RANBP2: variants seen among roughly 807,000 people sequenced by gnomAD.
RANBP2 encodes the protein E3 SUMO-protein ligase RanBP2.
A neutral mutation model predicts 303.6 loss-of-function variants in RANBP2; 57 were observed. The ratio of observed to expected loss-of-function variants is 0.19; its 90% confidence interval spans 0.15 to 0.23. RANBP2 has a LOEUF of 0.23. Ranked by LOEUF, RANBP2 falls within the 10% of genes least tolerant of loss-of-function variation. The probability of loss-of-function intolerance (pLI) is 1.00; values close to 1 mark genes in which losing one functional copy is unlikely to be tolerated. For synonymous variants in RANBP2, 1,167 were observed against 1,301.5 expected, an observed-to-expected ratio of 0.90 and a Z score of 2.23; for missense variants, 3,138 against 3,780.8, an observed-to-expected ratio of 0.83 and a Z score of 4.46.
intron 7 of RANBP2, among the ~76,000 whole-genome samples, chr2:108,744,141 C>T (rs1490780205): frequency 2.6e-5 from 4 of 152,306 alleles, no homozygotes; most frequent in South Asian, 2.1e-4. Flanking sequence ...CGGTGGCTCA[C>T]GCCTATGATC....
the RANBP2 span, among the ~76,000 whole-genome samples, chr2:109,188,206 C>G: frequency 6.6e-6 from 1 of 152,244 alleles, no homozygotes; most frequent in Non-Finnish European, 1.5e-5. Context: ...GAAGGGCTTT[C>G]CTGCTGCAGC....
the RANBP2 span, among the ~76,000 whole-genome samples, chr2:108,906,083 GAGGGGA>G: frequency 2.7e-5 from 4 of 149,686 alleles, no homozygotes; most frequent in Admixed American, 2.0e-4. Flanking sequence ...CCCGCCCCAT[GAGGGGA>G]AGGCCCATGG....
At chr2:109,290,293 TA>T in the RANBP2 span, among the ~76,000 whole-genome samples, 1 of 152,228 alleles carries the variant, frequency 6.6e-6, no homozygotes, top group Non-Finnish European at 1.5e-5. Flanking sequence ...CTCTTTCTAG[TA>T]ATATAACACA....
the RANBP2 span, among the ~76,000 whole-genome samples, chr2:108,945,623 G>A: frequency 6.6e-6 from 1 of 152,158 alleles, no homozygotes; most frequent in African/African-American, 2.4e-5. Flanking sequence ...TAAAAATGCA[G>A]CTAACTTTCT....
chr2:109,086,550 G>A, the RANBP2 span, among the ~76,000 whole-genome samples: 1 of 152,286 alleles, frequency 6.6e-6, no homozygotes, highest in South Asian at 2.1e-4. Flanking sequence ...GCTGAGCCAA[G>A]ACCAGTCTTG....
At chr2:109,503,277 G>T in the RANBP2 span, 1 of 152,140 alleles carries the variant, frequency 6.6e-6, no homozygotes, top group Non-Finnish European at 1.5e-5. Flanking sequence ...GTAACATAGG[G>T]TGTCATTGGT....
At chr2:109,444,418 G>A in the RANBP2 span, among the ~76,000 whole-genome samples, 1 of 152,192 alleles carries the variant, frequency 6.6e-6, no homozygotes, top group African/African-American at 2.4e-5. Context: ...GGCCTTGTTG[G>A]GTGACTTTCA....
the RANBP2 span, chr2:108,798,600 C>T: frequency 4.5e-6 from 7 of 1,557,350 alleles, no homozygotes; most frequent in East Asian, 6.8e-5. Context: ...ACTATATAGC[C>T]TTTGATTTTA....
the RANBP2 span, among the ~76,000 whole-genome samples, chr2:109,619,248 A>G: frequency 6.6e-6 from 1 of 152,222 alleles, no homozygotes; most frequent in South Asian, 2.1e-4. Flanking sequence ...TGCACATTGA[A>G]TTGCCACATT....
chr2:109,170,295 T>TCC, the RANBP2 span, among the ~76,000 whole-genome samples: 1 of 116,982 alleles, frequency 8.5e-6, no homozygotes, highest in African/African-American at 3.2e-5. Flanking sequence ...TTCTCTTCTC[T>TCC]TCTCTTCTCT....
chr2:108,720,072 C>T (rs1398544892), intron 1 of RANBP2: 3 of 984,716 alleles, frequency 3.0e-6, no homozygotes, highest in Non-Finnish European at 3.6e-6. Context: ...TGGACATATA[C>T]TTTATATGCT....
the RANBP2 span, among the ~76,000 whole-genome samples, chr2:108,979,110 G>A: frequency 1.3e-5 from 2 of 152,162 alleles, no homozygotes; most frequent in Non-Finnish European, 2.9e-5. Context: ...ATTCGGAAAC[G>A]TGGAAACATC....
chr2:109,408,852 G>C, the RANBP2 span, among the ~76,000 whole-genome samples: 1 of 152,202 alleles, frequency 6.6e-6, no homozygotes, highest in African/African-American at 2.4e-5. Context: ...TGATGGGTGC[G>C]CACAGGGAGG....
the RANBP2 span, among the ~76,000 whole-genome samples, chr2:109,255,202 A>G: frequency 6.6e-6 from 1 of 152,084 alleles, no homozygotes; most frequent in Admixed American, 6.6e-5. Flanking sequence ...TTTCCTAATC[A>G]ATTTAGGCAA....
intron 3 of RANBP2, 26 bp from the exon 4 acceptor site, chr2:108,731,296 A>G: frequency 6.2e-7 from 1 of 1,608,602 alleles, no homozygotes. Flanking sequence ...TTATTTACTA[A>G]TCTTTAATTT....
the RANBP2 span, among the ~76,000 whole-genome samples, chr2:108,792,218 A>G: frequency 2.6e-5 from 4 of 152,124 alleles, no homozygotes; most frequent in Admixed American, 2.6e-4. Context: ...GGCACCCTTC[A>G]CCCTCTGGGC....
intron 6 of RANBP2, among the ~76,000 whole-genome samples, chr2:108,737,508 T>G (rs1202263890): frequency 6.7e-6 from 1 of 149,818 alleles, no homozygotes; most frequent in African/African-American, 2.5e-5. Flanking sequence ...CCAGCTAATT[T>G]TTGTATTTTT....
At chr2:108,722,050 T>A (rs914143742) in intron 1 of RANBP2, among the ~76,000 whole-genome samples, 2 of 150,022 alleles carry the variant, frequency 1.3e-5, no homozygotes, top group African/African-American at 4.9e-5. Flanking sequence ...TTTTTTTTTT[T>A]AAACAAGCTT....
At chr2:109,250,259 G>A in the RANBP2 span, among the ~76,000 whole-genome samples, 1 of 152,072 alleles carries the variant, frequency 6.6e-6, no homozygotes, top group Admixed American at 6.6e-5. Flanking sequence ...AGAATGTTTA[G>A]AACTTTGGAA....
Sources: gnomAD v4.1 joint callset for allele counts (sites outside exome capture counted in the v4.1 genomes callset) on GRCh38, gnomAD v4.1.1 for gene constraint, MANE v1.5 for transcripts, NCBI Gene and HGNC (gene_info 2026-07-23, HGNC 2026-07-21) for gene names.